Variants in RFT1 observed in about 807,000 individuals in gnomAD.
RFT1 encodes man(5)GlcNAc(2)-PP-dolichol translocation protein RFT1.
A neutral mutation model predicts 62.2 loss-of-function variants in RFT1; 43 were observed. The ratio of observed to expected loss-of-function variants is 0.69; its 90% CI spans 0.54 to 0.89. The LOEUF (loss-of-function observed/expected upper bound fraction) is 0.89. Ranked by LOEUF, RFT1 falls within the 40% of genes least tolerant of loss-of-function variation. RFT1 has a pLI of 0.00. For synonymous variants in RFT1, 262 were observed against 264.6 expected, an observed-to-expected ratio of 0.99 and a Z score of 0.10; for missense variants, 605 against 649.9, an observed-to-expected ratio of 0.93 and a Z score of 0.75.
intron 10 of RFT1, 141 bp from the exon 11 acceptor site, chr3:53,099,627 C>A (rs1439010678): frequency 7.1e-6 from 5 of 699,808 alleles, no homozygotes; most frequent in Admixed American, 4.2e-5. Flanking sequence ...CATGCTAGAG[C>A]CCAGGGTCTT....
the RFT1 span, among the ~76,000 whole-genome samples, chr3:53,071,038 TTAAATTAG>T: frequency 1.4e-4 from 21 of 151,918 alleles, no homozygotes; most frequent in African/African-American, 4.8e-4. Flanking sequence ...GCCAAAATGT[TTAAATTAG>T]TAAAGAAAGA....
chr3:53,089,716 T>A lies in RFT1; in HGVS notation c.*2187A>T, dbSNP rs1249353870. 1 of 152,284 alleles carries A rather than the reference T, an allele frequency of 6.6e-6. No individual in the cohort carries two copies. Among genetic ancestry groups the A allele is most frequent in the Non-Finnish European group, 1.5e-5 (1 of 68,116 alleles). 9.4% of individuals were successfully genotyped at this position (152,284 alleles called of 1,614,324 possible). On this transcript the variant is annotated 3_prime_UTR_variant, in exon 13 of 13. Transcript: ENST00000296292. ...AGCCACATGTACAACTCTCCCTAGA[T>A]ACAGGGAAGCAGGACACCGGAAGAA...
At chr3:53,067,978 A>T in the RFT1 span, among the ~76,000 whole-genome samples, 1 of 152,246 alleles carries the variant, frequency 6.6e-6, no homozygotes, top group East Asian at 1.9e-4. Flanking sequence ...GATTACAGCC[A>T]AGGCCAAGTC....
the RFT1 span, chr3:53,077,948 C>T: frequency 6.6e-6 from 1 of 152,242 alleles, no homozygotes; most frequent in Non-Finnish European, 1.5e-5. Context: ...GATGTGGAAC[C>T]CAGGCGATCT....
chr3:53,088,164 C>A (rs1318236400), downstream of RFT1, among the ~76,000 whole-genome samples: 2 of 152,118 alleles, frequency 1.3e-5, no homozygotes, highest in East Asian at 3.9e-4. Context: ...AATAAACAAA[C>A]AAAACAAGGA....
intron 11 of RFT1, among the ~76,000 whole-genome samples, 192 bp from the exon 12 acceptor site, chr3:53,092,810 AAC>A (rs1701035712): frequency 6.6e-6 from 1 of 152,234 alleles, no homozygotes; most frequent in African/African-American, 2.4e-5. Context: ...AAAGGTAAGA[AAC>A]AACTCAGGAG....
At chr3:53,121,607 T>C in intron 5 of RFT1, 92 bp downstream of exon 5, 1 of 1,009,118 alleles carries the variant, frequency 9.9e-7, no homozygotes, top group South Asian at 1.4e-5. Flanking sequence ...GCATGGGTAC[T>C]GTGAATGCAG....
the RFT1 span, among the ~76,000 whole-genome samples, chr3:53,072,018 G>A: frequency 1.3e-5 from 2 of 152,192 alleles, no homozygotes; most frequent in African/African-American, 4.8e-5. Flanking sequence ...TGCACCATGG[G>A]TTCCTCACAT....
chr3:53,109,853 G>A (rs1353406329), intron 7 of RFT1, among the ~76,000 whole-genome samples: 2 of 151,998 alleles, frequency 1.3e-5, no homozygotes, highest in African/African-American at 4.8e-5. Context: ...AACCACCAGG[G>A]ATTTCAACTT....
chr3:53,126,086 G>A, intron 1 of RFT1, 92 bp from the exon 2 acceptor site: 1 of 1,016,976 alleles, frequency 9.8e-7, no homozygotes, highest in Non-Finnish European at 1.5e-6. Context: ...TCTTCCTAAT[G>A]TGATGTAATG....
rs185686648 is a variant in RFT1, at chr3:53,127,217, G to C, written c.64-1223C>G. Among the ~76,000 whole-genome samples the C allele has an allele frequency of 2.3e-3, 343 of 151,922 alleles. 1 individual carries two copies. Among genetic ancestry groups the C allele is most frequent in the Middle Eastern group, 0.01 (3 of 292 alleles). On this transcript the variant is annotated intron_variant, in intron 1 of 12. Transcript: ENST00000296292. Reference sequence around the variant, plus strand: ...GGATCAACTGAGGTCAGGAGTTCGAGACCTGCCTGACTAACATGGTGAAAT... The same window carrying C: ...GGATCAACTGAGGTCAGGAGTTCGACACCTGCCTGACTAACATGGTGAAAT...
At chr3:53,119,607 G>A (rs1194107691) in intron 6 of RFT1, among the ~76,000 whole-genome samples, 2 of 152,192 alleles carry the variant, frequency 1.3e-5, no homozygotes, top group East Asian at 3.8e-4. Context: ...CTCCACTGAG[G>A]GGTGGTTGCT....
At chr3:53,085,033 CATT>C (rs1700828001), downstream of RFT1, among the ~76,000 whole-genome samples, 1 of 147,472 alleles carries the variant, frequency 6.8e-6, no homozygotes, top group Admixed American at 7.3e-5. Context: ...GTGCCAGTTC[CATT>C]TCTCCTGCAG....
At chr3:53,120,134 T>A in intron 5 of RFT1, 113 bp from the exon 6 acceptor site, 1 of 859,376 alleles carries the variant, frequency 1.2e-6, no homozygotes, top group Non-Finnish European at 1.7e-6. Context: ...CACTTTCTAT[T>A]CAGCAATGCC....
chr3:53,068,204 G>A, the RFT1 span, among the ~76,000 whole-genome samples: 1 of 152,088 alleles, frequency 6.6e-6, no homozygotes, highest in African/African-American at 2.4e-5. Flanking sequence ...CAACCTTGTG[G>A]TGTCTTCTCC....
chr3:53,114,468 C>T (rs1300757005), intron 6 of RFT1, among the ~76,000 whole-genome samples: 1 of 152,124 alleles, frequency 6.6e-6, no homozygotes, highest in Admixed American at 6.5e-5. Flanking sequence ...AATGGTGACA[C>T]CACTTACTAA....
chr3:53,068,028 G>A, the RFT1 span, among the ~76,000 whole-genome samples: 228 of 152,284 alleles, frequency 1.5e-3, 2 homozygotes, highest in African/African-American at 5.3e-3. Context: ...ACCTCCAAAG[G>A]GCTTTTCTGA....
chr3:53,092,603 C>T lies in RFT1; in HGVS notation c.1224G>A (p.Met408Ile). 6.2e-7 allele frequency: 1 copy of T among 1,611,500 alleles called. No individual in the cohort carries two copies. The highest frequency in any genetic ancestry group is 8.5e-7 in the Non-Finnish European group (1 of 1,179,106). The change falls in exon 12 of 13, where the codon ATG becomes ATA. Residue 408 changes from methionine (M) to isoleucine (I), a missense_variant. By Grantham distance (10) the Met-to-Ile change is conservative. Transcript: ENST00000296292. ...CCAGGAATGAGGAGGACAGGGCCAG[C>T]ATCACAAAATTGTACCTGGGGAGGA... ...KEEVDRYNFV[M>I]LALSSSFLVL...
rs757405747 is a variant in RFT1 at position 53,099,533 on chromosome 3, C to G, written c.1103-47G>C. 3.5e-6 allele frequency: 5 copies of G among 1,432,376 alleles called. No homozygotes were observed. In the Admixed American group the frequency reaches 8.5e-5, roughly 24 times the overall value. The allele number at this position is 1,432,376 out of a possible 1,614,324, so 88.7% of individuals were successfully genotyped here. A position where few individuals can be genotyped will look rare whatever the true frequency, so the allele number is the denominator to read the frequency against. ...AGACTCCAGAGCCCAATCAGAAGGC[C>G]CACATGTACCCTCAGTGCTGCTGAG... On this transcript the variant is annotated intron_variant, in intron 10 of 12. Coordinates refer to ENST00000296292, the MANE Select transcript of RFT1 (RefSeq NM_052859.4).
Sources: allele counts gnomAD v4.1 joint callset (sites outside exome capture counted in the v4.1 genomes callset), GRCh38; gene constraint gnomAD v4.1.1; transcripts MANE v1.5; gene names NCBI Gene and HGNC (gene_info 2026-07-23, HGNC 2026-07-21).